ANKS1A: variants seen among roughly 807,000 people sequenced by gnomAD.
The protein encoded by ANKS1A is ankyrin repeat and sterile alpha motif domain containing 1A.
Under a neutral mutation model 120.3 loss-of-function variants are expected in ANKS1A, and 55 were observed. The observed-to-expected ratio is 0.46, with a 90% CI of 0.37 to 0.57. The LOEUF (loss-of-function observed/expected upper bound fraction) is 0.57, where lower values mean the gene tolerates loss of function less well. ANKS1A is among the 20% of genes least tolerant of loss of function. The pLI, the probability that ANKS1A is intolerant of heterozygous loss-of-function variation, is 0.00. For synonymous variants in ANKS1A, 590 were observed against 604.7 expected, an observed-to-expected ratio of 0.98 and a Z score of 0.36; for missense variants, 1,123 against 1,480.3, an observed-to-expected ratio of 0.76 and a Z score of 3.96.
intron 11 of ANKS1A, among the ~76,000 whole-genome samples, chr6:35,029,986 A>G (rs540664224): frequency 6.6e-6 from 1 of 152,172 alleles, no homozygotes; most frequent in Admixed American, 6.5e-5. Context: ...ATTTTTAGCA[A>G]CAATTTGATC....
chr6:35,065,834 G>A (rs1039001651), intron 13 of ANKS1A, among the ~76,000 whole-genome samples: 1 of 152,208 alleles, frequency 6.6e-6, no homozygotes, highest in African/African-American at 2.4e-5. Context: ...GATGCAGTTC[G>A]GCTCTGTGCA....
At chr6:34,904,685 T>C (rs1029840382) in intron 1 of ANKS1A, among the ~76,000 whole-genome samples, 1 of 152,236 alleles carries the variant, frequency 6.6e-6, no homozygotes, top group Non-Finnish European at 1.5e-5. Context: ...TGAGCTGATA[T>C]TTCGCCACTG....
At chr6:34,976,153 A>G (rs1372757316) in intron 3 of ANKS1A, among the ~76,000 whole-genome samples, 3 of 146,786 alleles carry the variant, frequency 2.0e-5, no homozygotes, top group Non-Finnish European at 4.5e-5. Context: ...AAAAAAAAAG[A>G]AAAGAAAAAC....
chr6:35,022,303 C>T (rs1182589814), intron 11 of ANKS1A, among the ~76,000 whole-genome samples: 1 of 152,174 alleles, frequency 6.6e-6, no homozygotes, highest in Non-Finnish European at 1.5e-5. Flanking sequence ...CAGCAAATGG[C>T]TGGTTGGTTG....
chr6:34,930,258 TG>T (rs1768917119), intron 1 of ANKS1A, among the ~76,000 whole-genome samples: 1 of 152,076 alleles, frequency 6.6e-6, no homozygotes, highest in South Asian at 2.1e-4. Flanking sequence ...TACCTTACTG[TG>T]GGGGGACTTA....
intron 1 of ANKS1A, among the ~76,000 whole-genome samples, chr6:34,891,374 A>G (rs1404942056): frequency 3.3e-5 from 5 of 152,242 alleles, no homozygotes; most frequent in African/African-American, 9.6e-5. Flanking sequence ...TCCCTAGATC[A>G]GTGCCTGACA....
intron 11 of ANKS1A, among the ~76,000 whole-genome samples, chr6:35,030,332 T>A (rs1027997860): frequency 4.6e-5 from 7 of 152,216 alleles, no homozygotes; most frequent in African/African-American, 1.7e-4. Context: ...TACCGTAATA[T>A]TAAGACTCAA....
At chr6:35,059,677 G>T (rs1199909387) in intron 12 of ANKS1A, among the ~76,000 whole-genome samples, 1 of 152,224 alleles carries the variant, frequency 6.6e-6, no homozygotes, top group Non-Finnish European at 1.5e-5. Flanking sequence ...CCCCACAGGG[G>T]CTCCAGAAGT....
In ANKS1A at chr6:35,082,303, A is replaced by G. The variant is rs539947221; in HGVS notation, c.2710-388A>G. Among the ~76,000 whole-genome samples, 5 of 151,768 alleles carry G rather than the reference A, an allele frequency of 3.3e-5. No homozygotes were observed. The East Asian group carries it at 9.8e-4, about 30-fold the overall frequency. Reference sequence around the variant, plus strand: ...CTCCCAGGCCCTGGGCTGGGTCCCAAGGCGTCCCAGGGTCTCGTGGGCGCT... The same window carrying G: ...CTCCCAGGCCCTGGGCTGGGTCCCAGGGCGTCCCAGGGTCTCGTGGGCGCT... On this transcript the variant is annotated intron_variant, in intron 17 of 23. Transcript: ENST00000360359. The surrounding 1 kb of genome is among the most constrained non-coding windows in gnomAD (Gnocchi z 4.1).
At chr6:35,097,665 C>T in the ANKS1A span, among the ~76,000 whole-genome samples, 1 of 94,166 alleles carries the variant, frequency 1.1e-5, no homozygotes, top group African/African-American at 5.3e-5. Flanking sequence ...AAAACACATA[C>T]ACACACACAC....
At chr6:35,093,511 AAAACT>A (rs1465502756), downstream of ANKS1A, among the ~76,000 whole-genome samples, 1 of 152,206 alleles carries the variant, frequency 6.6e-6, no homozygotes, top group East Asian at 1.9e-4. Context: ...TGAGTCTATA[AAAACT>A]AAACATTTCT....
intron 3 of ANKS1A, among the ~76,000 whole-genome samples, chr6:34,978,390 G>A (rs1006906466): frequency 6.6e-6 from 1 of 152,230 alleles, no homozygotes; most frequent in African/African-American, 2.4e-5. Context: ...TGGAGGTATT[G>A]TGAACACCTG....
At position 34,939,231 on chromosome 6, in the gene ANKS1A, G is replaced by A. The variant is rs1469406042; in HGVS notation, c.198-28008G>A. Reference sequence around the variant, plus strand: ...TGTTCTAGGAGCCCTTCCCTACAGGGCCAGGCCCTTTACCTCACAGGTTGG... The same window carrying A: ...TGTTCTAGGAGCCCTTCCCTACAGGACCAGGCCCTTTACCTCACAGGTTGG... On this transcript the variant is annotated intron_variant, in intron 1 of 23. Coordinates refer to ENST00000360359, the MANE Select transcript of ANKS1A (RefSeq NM_015245.3). Among the ~76,000 whole-genome samples, 2 of 152,110 alleles carry A rather than the reference G, an allele frequency of 1.3e-5. 1 individual carries two copies. Among genetic ancestry groups the A allele is most frequent in the Admixed American group, 1.3e-4 (2 of 15,274 alleles).
chr6:35,002,142 C>G (rs1442768425), intron 10 of ANKS1A, among the ~76,000 whole-genome samples: 1 of 152,166 alleles, frequency 6.6e-6, no homozygotes, highest in Non-Finnish European at 1.5e-5. Flanking sequence ...AAGTTTGCAA[C>G]ACCCTAAACG....
intron 11 of ANKS1A, among the ~76,000 whole-genome samples, chr6:35,046,941 G>A (rs879630753): frequency 6.6e-6 from 1 of 152,124 alleles, no homozygotes; most frequent in Non-Finnish European, 1.5e-5. Context: ...GCCTCTTCTG[G>A]TAGTTTTCCA....
chr6:34,907,867 G>T (rs1181560156), intron 1 of ANKS1A, among the ~76,000 whole-genome samples: 1 of 152,076 alleles, frequency 6.6e-6, no homozygotes. Flanking sequence ...GTTGTGTAAT[G>T]ATTAAATGAG....
At chr6:34,971,838 T>G (rs1433230949) in intron 3 of ANKS1A, among the ~76,000 whole-genome samples, 3 of 152,200 alleles carry the variant, frequency 2.0e-5, no homozygotes, top group African/African-American at 7.2e-5. Context: ...TTAATCAGCC[T>G]TCCTTTCCCC....
rs988002621 is a variant in ANKS1A at position 35,080,860 on chromosome 6, G to T, written c.2545-134G>T. ...GCCACCTGTCTGACACCCCTGTGGT[G>T]TTGGCCCCTTCGCTCCCTGCTGCTT... On this transcript the variant is annotated intron_variant, in intron 16 of 23. Transcript: ENST00000360359. 91 of 1,083,248 alleles carry T rather than the reference G, an allele frequency of 8.4e-5. No individual in the cohort carries two copies. The East Asian group carries it at 2.2e-3, about 26-fold the overall frequency. The allele number at this position is 1,083,248 out of a possible 1,614,324, so 67.1% of individuals were successfully genotyped here.
chr6:35,093,278 A>G (rs1778361116), downstream of ANKS1A, among the ~76,000 whole-genome samples: 1 of 152,190 alleles, frequency 6.6e-6, no homozygotes, highest in Non-Finnish European at 1.5e-5. Context: ...GAGCTGGGAC[A>G]ATTGGGCAGC....
Sources: gnomAD v4.1 joint callset for allele counts (sites outside exome capture counted in the v4.1 genomes callset) on GRCh38, gnomAD v4.1.1 for gene constraint, Gnocchi (gnomAD v3.1) non-coding constraint, MANE v1.5 for transcripts, NCBI Gene and HGNC (gene_info 2026-07-23, HGNC 2026-07-21) for gene names.